The following CABIN1 variants were observed in gnomAD, a reference collection of about 807,000 sequenced individuals.
The protein encoded by CABIN1 is calcineurin-binding protein cabin-1.
CABIN1 carries 133 observed loss-of-function variants against 227.7 expected under a neutral mutation model. The ratio of observed to expected loss-of-function variants is 0.58; its 90% confidence interval spans 0.51 to 0.67. The LOEUF is 0.67. Ranked by LOEUF, CABIN1 falls within the 30% of genes least tolerant of loss-of-function variation. CABIN1 has a pLI of 0.00. For missense variants in CABIN1, 2,408 were observed against 2,852.5 expected, an observed-to-expected ratio of 0.84 and a Z score of 3.55; for synonymous variants, 1,086 against 1,155.1, an observed-to-expected ratio of 0.94 and a Z score of 1.21.
intron 29 of CABIN1, chr22:24,155,736 C>CA (rs1354389850): frequency 2.8e-6 from 1 of 351,110 alleles, no homozygotes; most frequent in East Asian, 4.6e-5. Flanking sequence ...ATATAACCCT[C>CA]ACACACAGTT....
At chr22:24,175,905 G>A in intron 34 of CABIN1, 1 of 659,718 alleles carries the variant, frequency 1.5e-6, no homozygotes, top group South Asian at 1.7e-5. Flanking sequence ...GGGGTGGGGA[G>A]CCAGCCCCTA....
Position 24,101,352 on chromosome 22 carries a change from A to G in CABIN1, c.4117+3160A>G, listed in dbSNP as rs1416424576. ...CATTTGATAATAGCTGCTTCATAGG[A>G]CCCAAATTTGTTCTCTGAACCACCC... is the stretch of plus-strand genomic sequence containing the variant. On this transcript the variant is annotated intron_variant, in intron 26 of 36. Coordinates refer to ENST00000263119, the MANE Select transcript of CABIN1 (RefSeq NM_012295.4). 4.6e-5 allele frequency among the ~76,000 whole-genome samples: 7 copies of G among 152,134 alleles called. No homozygotes were observed. The East Asian group carries it at 1.3e-3, about 29-fold the overall frequency.
At position 24,148,514 on chromosome 22, in the gene CABIN1, C is replaced by T. The variant is rs557278710; in HGVS notation, c.4746+14099C>T. On this transcript the variant is annotated intron_variant, in intron 29 of 36. Transcript: ENST00000263119. The stretch of plus-strand genomic sequence containing the variant: ...GGCTCTGAAGACCATAGCACCTGGT[C>T]GAAGTCCAGCATAATCCTCTGATCT... Among the ~76,000 whole-genome samples, 5 of 152,302 alleles carry T rather than the reference C, an allele frequency of 3.3e-5. No individual in the cohort carries two copies. In the East Asian group the frequency reaches 5.8e-4, roughly 18 times the overall value.
intron 29 of CABIN1, among the ~76,000 whole-genome samples, chr22:24,136,233 A>G (rs752992601): frequency 1.3e-5 from 2 of 151,986 alleles, no homozygotes; most frequent in Admixed American, 6.6e-5. Flanking sequence ...TCGCTAAACA[A>G]TATCTCTAAC....
chr22:24,026,533 C>A (rs191748917), intron 1 of CABIN1, among the ~76,000 whole-genome samples: 1 of 152,148 alleles, frequency 6.6e-6, no homozygotes. Flanking sequence ...AGAAATGATC[C>A]ATTTTGAGTT....
chr22:24,029,776 T>C (rs919545149), intron 1 of CABIN1, among the ~76,000 whole-genome samples: 8 of 152,214 alleles, frequency 5.3e-5, no homozygotes, highest in African/African-American at 1.9e-4. Context: ...GATGAGTCTA[T>C]ATGAGAATCA....
intron 28 of CABIN1, among the ~76,000 whole-genome samples, chr22:24,132,568 T>C (rs2044138824): frequency 6.6e-6 from 1 of 151,690 alleles, no homozygotes; most frequent in African/African-American, 2.4e-5. Context: ...CTGGGGACGT[T>C]TTTCTGTTTG....
At chr22:24,176,020 C>G in intron 34 of CABIN1, 91 bp from the exon 35 acceptor site, 1 of 1,439,794 alleles carries the variant, frequency 6.9e-7, no homozygotes, top group Non-Finnish European at 9.6e-7. Context: ...TGTCCCAGGG[C>G]ACAACCTGGG....
chr22:24,038,544 C>G (rs2037110880), intron 4 of CABIN1, 83 bp downstream of exon 4: 1 of 941,160 alleles, frequency 1.1e-6, no homozygotes, highest in East Asian at 2.4e-5. Context: ...CTTACCTCTG[C>G]TCTCCCATTT....
chr22:24,038,491 C>T (rs369125053), intron 4 of CABIN1, 30 bp downstream of exon 4: 399 of 1,531,042 alleles, frequency 2.6e-4, no homozygotes, highest in Non-Finnish European at 3.2e-4. Flanking sequence ...GGCAGTGTGC[C>T]GTGGTGGTTA....
chr22:24,130,815 TGGGAGACAGCTG>T (rs1463805371), intron 28 of CABIN1, among the ~76,000 whole-genome samples: 1 of 152,200 alleles, frequency 6.6e-6, no homozygotes, highest in East Asian at 1.9e-4. Context: ...CTGGTGGGCC[TGGGAGACAGCTG>T]GAGAAACACA....
chr22:24,051,323 A>C (rs181756981), intron 8 of CABIN1, among the ~76,000 whole-genome samples: 81 of 152,180 alleles, frequency 5.3e-4, no homozygotes, highest in African/African-American at 1.9e-3. Flanking sequence ...TGATGTTCAG[A>C]GTACTTAAAT....
chr22:24,078,410 A>C (rs2040581982), intron 19 of CABIN1, among the ~76,000 whole-genome samples: 1 of 152,196 alleles, frequency 6.6e-6, no homozygotes, highest in Admixed American at 6.5e-5. Context: ...TGAAGGTTGA[A>C]TGCTTCATTA....
At chr22:24,129,367 G>A (rs141943177) in intron 28 of CABIN1, among the ~76,000 whole-genome samples, 423 of 152,290 alleles carry the variant, frequency 2.8e-3, no homozygotes, top group Middle Eastern at 0.024. Flanking sequence ...GCGGGGGCTG[G>A]CATTGAAATT....
rs1477457635 is a variant in CABIN1, at chr22:24,119,489, C to A, written c.4423C>A (p.Pro1475Thr). The stretch of plus-strand genomic sequence containing the variant: ...CCCTGGCAAGCCCTCAGCATCCACA[C>A]CCACCCTGTGGGATGGGAAGAAGAG... ...CIPGKPSAST[P>T]TLWDGKKRGD... The change falls in exon 28 of 37, where the codon CCC becomes ACC. Residue 1475 changes from proline (P) to threonine (T), a missense_variant. By Grantham distance (38) the Pro-to-Thr change is conservative. Transcript: ENST00000263119. The A allele has an allele frequency of 6.2e-7, 1 of 1,614,118 alleles. No homozygotes were observed. Among genetic ancestry groups the A allele is most frequent in the Admixed American group, 1.7e-5 (1 of 60,036 alleles).
chr22:24,041,119 C>A lies in CABIN1; in HGVS notation c.211-20C>A. The A allele has an allele frequency of 6.2e-7, 1 of 1,614,134 alleles. No homozygotes were observed. The highest frequency in any genetic ancestry group is 8.5e-7 in the Non-Finnish European group (1 of 1,179,980). On this transcript the variant is annotated intron_variant, in intron 4 of 36. Transcript: ENST00000263119. ...AGGCTTCAAGGTCTAGTTGTCACTT[C>A]TGTTCTGTTTTGTTCACAGGCAGTT...
intron 28 of CABIN1, among the ~76,000 whole-genome samples, chr22:24,122,168 C>T (rs2043454263): frequency 1.3e-5 from 2 of 151,712 alleles, no homozygotes; most frequent in Admixed American, 1.3e-4. Context: ...TACAGCCTGC[C>T]CCTTCTCTTG....
chr22:24,062,983 G>T lies in CABIN1; in HGVS notation c.1721G>T (p.Gly574Val), dbSNP rs765891732. Residue 574 changes from glycine (G) to valine (V), a missense_variant, in exon 14 of 37, where the codon GGT becomes GTT. By Grantham distance (109) the Gly-to-Val change is moderately radical (BLOSUM62 -3). Coordinates refer to ENST00000263119, the MANE Select transcript of CABIN1 (RefSeq NM_012295.4). ...SAVSPRNCPA[G>V]MVNGRFGPDF... ...GTGTCTCCTCGGAACTGCCCTGCTG[G>T]TATGGTGAATGGCAGATTTGGACCT... 2 of 1,614,204 alleles carry T rather than the reference G, an allele frequency of 1.2e-6. No individual in the cohort carries two copies. The highest frequency in any genetic ancestry group is 2.2e-5 in the South Asian group (2 of 91,088).
At chr22:24,096,233 A>G (rs1233794452) in intron 25 of CABIN1, 151 bp downstream of exon 25, 2 of 869,626 alleles carry the variant, frequency 2.3e-6, no homozygotes, top group African/African-American at 1.7e-5. Flanking sequence ...GGAAACTCCC[A>G]TTTGCTGGGC....
Sources: gnomAD v4.1 joint callset for allele counts (sites outside exome capture counted in the v4.1 genomes callset) on GRCh38, gnomAD v4.1.1 for gene constraint, MANE v1.5 for transcripts, NCBI Gene and HGNC (gene_info 2026-07-23, HGNC 2026-07-21) for gene names.